Variants in SAMD4A observed in about 807,000 individuals in gnomAD.
The protein encoded by SAMD4A is sterile alpha motif domain containing 4A.
In SAMD4A, 33 loss-of-function variants were observed where a neutral mutation model predicts 81.3. The ratio of observed to expected loss-of-function variants is 0.41; its 90% CI spans 0.31 to 0.54. The LOEUF is 0.54. Among genes scored for constraint, SAMD4A ranks in the 20% least tolerant of loss-of-function variants. The pLI is 0.37. For missense variants in SAMD4A, 854 were observed against 951.1 expected (o/e 0.90, Z 1.34); for synonymous variants, 389 against 382.1 (o/e 1.02, Z -0.21).
intron 3 of SAMD4A, among the ~76,000 whole-genome samples, chr14:54,710,481 T>C (rs1487430538): frequency 1.3e-5 from 2 of 152,178 alleles, no homozygotes; most frequent in African/African-American, 4.8e-5. Flanking sequence ...ACAGACCTAC[T>C]AAGTAGTTCA....
At chr14:54,703,684 A>G (rs996841927) in intron 3 of SAMD4A, 7 of 152,144 alleles carry the variant, frequency 4.6e-5, no homozygotes, top group African/African-American at 1.4e-4. Flanking sequence ...CCTGGCCAAC[A>G]TGGTGAAACT....
At chr14:54,566,931 C>T (rs2032956170), upstream of SAMD4A, among the ~76,000 whole-genome samples, 1 of 152,142 alleles carries the variant, frequency 6.6e-6, no homozygotes, top group African/African-American at 2.4e-5. Context: ...CGAGCTGCTG[C>T]CGCGGCTGCT....
rs374545563 is a variant in SAMD4A at position 54,775,103 on chromosome 14, G to A, written c.1885G>A (p.Ala629Thr). The A allele has an allele frequency of 2.3e-5, 37 of 1,614,090 alleles. No homozygotes were observed. The African/African-American group carries it at 2.9e-4, about 13-fold the overall frequency. Residue 629 changes from alanine (A) to threonine (T), a missense_variant, in exon 10 of 13, where the codon GCT becomes ACT. Ala to Thr is a moderately conservative substitution (Grantham distance 58, BLOSUM62 0). This residue lies in a region of SAMD4A where 428 missense variants were observed against 471.2 expected (regional missense o/e 0.91). Coordinates refer to ENST00000554335, the MANE Select transcript of SAMD4A (RefSeq NM_015589.6). ...CAGCTCCAACCAGCGCAACACCACA[G>A]CTACCCCCACCATCATGAAACAAGG... ...FVSSNQRNTTATPTIMKQGRQ... is the reference protein window; with the variant it reads ...FVSSNQRNTTTTPTIMKQGRQ...
intron 11 of SAMD4A, among the ~76,000 whole-genome samples, chr14:54,781,615 C>T (rs1422965827): frequency 6.6e-6 from 1 of 152,214 alleles, no homozygotes; most frequent in Non-Finnish European, 1.5e-5. Flanking sequence ...GGGGTCTTTC[C>T]TTTTGCCTTC....
At chr14:54,579,498 A>G (rs2033403567) in intron 2 of SAMD4A, among the ~76,000 whole-genome samples, 1 of 152,234 alleles carries the variant, frequency 6.6e-6, no homozygotes, top group African/African-American at 2.4e-5. Flanking sequence ...ATTGAACAAA[A>G]AACATGTATT....
intron 2 of SAMD4A, among the ~76,000 whole-genome samples, chr14:54,627,290 T>TA (rs968208976): frequency 6.6e-6 from 1 of 152,162 alleles, no homozygotes; most frequent in Admixed American, 6.5e-5. Flanking sequence ...AATTTTGTCA[T>TA]ACAACTCCCC....
intron 12 of SAMD4A, 89 bp from the exon 13 acceptor site, chr14:54,788,827 A>T: frequency 1.3e-6 from 2 of 1,513,254 alleles, no homozygotes; most frequent in Non-Finnish European, 1.8e-6. Flanking sequence ...AGAGGCTGGG[A>T]GGCCCACCGT....
At chr14:54,602,375 C>CACACACACAT (rs1491307995) in intron 2 of SAMD4A, among the ~76,000 whole-genome samples, 3 of 134,670 alleles carry the variant, frequency 2.2e-5, no homozygotes, top group African/African-American at 8.3e-5. Flanking sequence ...CACACACACA[C>CACACACACAT]GAAACACCAG....
rs150892166 is a variant in SAMD4A, at chr14:54,617,325, C to T, written c.196+49213C>T. On this transcript the variant is annotated intron_variant, in intron 2 of 12. Transcript: ENST00000554335. The stretch of plus-strand genomic sequence containing the variant: ...AAATATAACTGTGCATTAAAACATA[C>T]AAATGATCAACAAACTATATTACAA... 4.6e-3 allele frequency among the ~76,000 whole-genome samples: 696 copies of T among 152,264 alleles called. 3 individuals carry two copies. Among genetic ancestry groups the T allele is most frequent in the African/African-American group, 0.016 (662 of 41,552 alleles).
chr14:54,654,005 T>G (rs1031303586), intron 2 of SAMD4A, among the ~76,000 whole-genome samples: 1 of 152,232 alleles, frequency 6.6e-6, no homozygotes, highest in Non-Finnish European at 1.5e-5. Context: ...GAGTCTTCAG[T>G]GTGTCACTTT....
chr14:54,739,331 GA>G (rs1425338642), intron 4 of SAMD4A, among the ~76,000 whole-genome samples: 2 of 151,824 alleles, frequency 1.3e-5, no homozygotes, highest in Admixed American at 6.6e-5. Context: ...TATTCAGTCA[GA>G]AAAAAATGGC....
rs377645399 is a variant in SAMD4A at position 54,618,033 on chromosome 14, C to T, written c.196+49921C>T. Among the ~76,000 whole-genome samples, 10 of 152,128 alleles carry T rather than the reference C, an allele frequency of 6.6e-5. No homozygotes were observed. The East Asian group carries it at 1.4e-3, about 21-fold the overall frequency. On this transcript the variant is annotated intron_variant, in intron 2 of 12. Coordinates refer to ENST00000554335, the MANE Select transcript of SAMD4A (RefSeq NM_015589.6). ...TTCTATTTATTACCATGTTTTTTCC[C>T]GAAGGAGTTTGCAATTGATTGTGCC...
intron 2 of SAMD4A, among the ~76,000 whole-genome samples, chr14:54,684,604 A>ACC (rs2036206777): frequency 2.9e-5 from 2 of 69,382 alleles, no homozygotes; most frequent in African/African-American, 7.5e-5. Flanking sequence ...CATTGGCCAG[A>ACC]CACCCCCGCC....
intron 2 of SAMD4A, among the ~76,000 whole-genome samples, chr14:54,653,969 C>G (rs1039587914): frequency 6.6e-6 from 1 of 152,268 alleles, no homozygotes; most frequent in East Asian, 1.9e-4. Flanking sequence ...AAATACCATT[C>G]GGTATGAAAG....
intron 2 of SAMD4A, among the ~76,000 whole-genome samples, chr14:54,603,548 G>A (rs1171373387): frequency 1.3e-5 from 2 of 151,964 alleles, no homozygotes; most frequent in Non-Finnish European, 1.5e-5. Flanking sequence ...ATGCCCGTTA[G>A]CCTGTGAAAT....
chr14:54,682,682 C>T lies in SAMD4A; in HGVS notation c.197-19380C>T, dbSNP rs183882587. ...AAGGTGTTCGCTCTGGATCTGCACT[C>T]TGACTATGGCTGTGTCCTCAAAACA... On this transcript the variant is annotated intron_variant, in intron 2 of 12. Coordinates refer to ENST00000554335, the MANE Select transcript of SAMD4A (RefSeq NM_015589.6). Among the ~76,000 whole-genome samples, 278 of 152,304 alleles carry T rather than the reference C, an allele frequency of 1.8e-3. 2 individuals carry two copies. Among genetic ancestry groups the T allele is most frequent in the Non-Finnish European group, 2.1e-3 (144 of 68,030 alleles).
intron 2 of SAMD4A, among the ~76,000 whole-genome samples, chr14:54,631,199 C>G (rs932566277): frequency 7.2e-5 from 11 of 152,294 alleles, no homozygotes; most frequent in African/African-American, 2.6e-4. Context: ...CTGTTCTGTT[C>G]AGGCCTTCAG....
intron 2 of SAMD4A, chr14:54,694,848 T>G (rs968547581): frequency 2.0e-6 from 2 of 985,448 alleles, no homozygotes; most frequent in Admixed American, 6.1e-5. Context: ...AGCACCCAGC[T>G]GTGCCGGTAC....
intron 5 of SAMD4A, among the ~76,000 whole-genome samples, chr14:54,749,539 A>G (rs17127880): frequency 0.28 from 43,285 of 152,094 alleles, 6,610 homozygotes; most frequent in African/African-American, 0.39. Context: ...ATCATTGAGA[A>G]TGAGATTTCC....
Sources: gnomAD v4.1 joint callset for allele counts (sites outside exome capture counted in the v4.1 genomes callset) on GRCh38, gnomAD v4.1.1 for gene constraint, gnomAD v4.1.1 regional missense constraint, MANE v1.5 for transcripts, NCBI Gene and HGNC (gene_info 2026-07-23, HGNC 2026-07-21) for gene names.